The following ITPR2 variants were observed in gnomAD, a reference collection of about 807,000 sequenced individuals.
ITPR2 encodes the protein inositol 1,4,5-trisphosphate-gated calcium channel ITPR2.
Under a neutral mutation model 317.1 loss-of-function variants are expected in ITPR2, and 207 were observed. The ratio of observed to expected loss-of-function variants is 0.65; its 90% CI spans 0.58 to 0.73. The LOEUF (loss-of-function observed/expected upper bound fraction) is 0.73, where lower values mean the gene tolerates loss of function less well. Ranked by LOEUF, ITPR2 falls within the 30% of genes least tolerant of loss-of-function variation. The pLI, the probability that ITPR2 is intolerant of heterozygous loss-of-function variation, is 0.00. For synonymous variants in ITPR2, 1,156 were observed against 1,149.1 expected (o/e 1.01, Z -0.12); for missense variants, 2,613 against 3,284.0 (o/e 0.80, Z 4.99).
intron 21 of ITPR2, among the ~76,000 whole-genome samples, chr12:26,645,569 G>A (rs138195293): frequency 3.5e-4 from 54 of 152,348 alleles, no homozygotes; most frequent in Admixed American, 1.2e-3. Flanking sequence ...AGACAGAATC[G>A]AGCCATCTCA....
chr12:26,552,704 C>CT (rs958800798), intron 36 of ITPR2, among the ~76,000 whole-genome samples: 9 of 151,652 alleles, frequency 5.9e-5, no homozygotes, highest in Non-Finnish European at 7.4e-5. Flanking sequence ...TCACGCAACA[C>CT]TTTTTTTTTA....
chr12:26,749,462 G>A (rs1949380351), intron 2 of ITPR2, among the ~76,000 whole-genome samples: 1 of 152,068 alleles, frequency 6.6e-6, no homozygotes, highest in South Asian at 2.1e-4. Flanking sequence ...ATGAAATACT[G>A]ATGTGGTCCA....
intron 8 of ITPR2, 137 bp from the exon 9 acceptor site, chr12:26,711,405 TG>T (rs1948640205): frequency 1.6e-6 from 1 of 630,792 alleles, no homozygotes; most frequent in African/African-American, 1.8e-5. Flanking sequence ...GAGCATAATG[TG>T]GCAGAAAAAC....
intron 2 of ITPR2, among the ~76,000 whole-genome samples, chr12:26,740,489 G>A (rs1949211909): frequency 6.6e-6 from 1 of 152,162 alleles, no homozygotes. Context: ...AAACACTGAA[G>A]GACATCTGCG....
At chr12:26,632,107 C>T in intron 21 of ITPR2, 48 bp from the exon 22 acceptor site, 1 of 1,428,620 alleles carries the variant, frequency 7.0e-7, no homozygotes, top group Non-Finnish European at 9.3e-7. Flanking sequence ...CCCTGGAGAT[C>T]ATGTAACTAT....
chr12:26,433,367 G>A (rs1185350572), intron 48 of ITPR2, among the ~76,000 whole-genome samples: 1 of 152,062 alleles, frequency 6.6e-6, no homozygotes, highest in Non-Finnish European at 1.5e-5. Context: ...TTCCAGCCTT[G>A]TGTTCGTTAG....
At chr12:26,377,491 A>G (rs1171024896) in intron 55 of ITPR2, among the ~76,000 whole-genome samples, 1 of 152,226 alleles carries the variant, frequency 6.6e-6, no homozygotes, top group East Asian at 1.9e-4. Context: ...CTTAGAGATT[A>G]AAAATTCTAA....
intron 21 of ITPR2, among the ~76,000 whole-genome samples, chr12:26,638,008 A>G (rs11612710): frequency 0.16 from 24,333 of 152,202 alleles, 2,627 homozygotes; most frequent in Non-Finnish European, 0.23. Flanking sequence ...AACCAAAAGC[A>G]TGTAACCAAA....
intron 9 of ITPR2, among the ~76,000 whole-genome samples, chr12:26,701,768 AG>A (rs1948450025): frequency 6.6e-6 from 1 of 152,202 alleles, no homozygotes; most frequent in South Asian, 2.1e-4. Flanking sequence ...TTAAATCCAC[AG>A]GCTATTGAAT....
chr12:26,744,788 A>G (rs932483050), intron 2 of ITPR2, among the ~76,000 whole-genome samples: 2 of 152,226 alleles, frequency 1.3e-5, no homozygotes, highest in East Asian at 1.9e-4. Context: ...TGATCTGCCT[A>G]TAAAGAACAA....
Position 26,462,859 on chromosome 12 carries a change from A to T in ITPR2, c.6342+12437T>A, listed in dbSNP as rs182247563. ...GCTAATTTTTGTATATTTAGTAGAGATGGGGTTTCACCATGTTGGCCAGGC... is the reference window on the plus strand; with the variant it reads ...GCTAATTTTTGTATATTTAGTAGAGTTGGGGTTTCACCATGTTGGCCAGGC... On this transcript the variant is annotated intron_variant, in intron 45 of 56. Coordinates refer to ENST00000381340, the MANE Select transcript of ITPR2 (RefSeq NM_002223.4). 3.6e-3 allele frequency among the ~76,000 whole-genome samples: 549 copies of T among 151,778 alleles called. 3 individuals are homozygous for T. The highest frequency in any genetic ancestry group is 0.013 in the African/African-American group (523 of 41,364).
chr12:26,743,500 G>T (rs370329240), intron 2 of ITPR2, among the ~76,000 whole-genome samples: 14 of 152,116 alleles, frequency 9.2e-5, no homozygotes, highest in African/African-American at 3.4e-4. Flanking sequence ...ATTGTGATAA[G>T]GATCAATGCA....
intron 11 of ITPR2, among the ~76,000 whole-genome samples, chr12:26,683,631 AAATGTTGCGACCAG>A (rs1455720092): frequency 3.3e-5 from 5 of 152,180 alleles, no homozygotes; most frequent in Non-Finnish European, 7.3e-5. Flanking sequence ...TCGTCAACAA[AAATGTTGCGACCAG>A]AAGCTCACAG....
chr12:26,830,063 C>T (rs1951076698), intron 1 of ITPR2, among the ~76,000 whole-genome samples: 1 of 152,184 alleles, frequency 6.6e-6, no homozygotes, highest in Non-Finnish European at 1.5e-5. Flanking sequence ...GCCACCACGC[C>T]CAGCTAATTT....
Position 26,786,493 on chromosome 12 carries a change from G to T in ITPR2, c.163+3664C>A, listed in dbSNP as rs184851708. ...AAATGGAGAATATTTGATCATTAAA[G>T]AAATTTTATTCGCATAAGAAAAAGC... On this transcript the variant is annotated intron_variant, in intron 2 of 56. Transcript: ENST00000381340. 1.2e-4 allele frequency among the ~76,000 whole-genome samples: 16 copies of T among 138,410 alleles called. No individual in the cohort carries two copies. In the East Asian group the frequency reaches 3.4e-3, roughly 29 times the overall value. 90.8% of individuals were successfully genotyped at this position (138,410 alleles called of 152,430 possible). A position where few individuals can be genotyped will look rare whatever the true frequency, so the allele number is the denominator to read the frequency against.
At chr12:26,821,568 T>C (rs1194372785) in intron 1 of ITPR2, among the ~76,000 whole-genome samples, 1 of 152,240 alleles carries the variant, frequency 6.6e-6, no homozygotes, top group East Asian at 1.9e-4. Flanking sequence ...GCTCCTCCAG[T>C]ATTCTCACAG....
Position 26,679,042 on chromosome 12 carries a change from G to T in ITPR2, c.1409+2832C>A, listed in dbSNP as rs528700847. On this transcript the variant is annotated intron_variant, in intron 13 of 56. Transcript: ENST00000381340. ...AATAGATTCACAAAAGGAAAAGTTA[G>T]ATCAATAACAGGCAAATAAAAATTC... Among the ~76,000 whole-genome samples the T allele has an allele frequency of 4.6e-5, 7 of 152,292 alleles. No individual in the cohort carries two copies. In the South Asian group the frequency reaches 1.5e-3, roughly 32 times the overall value.
intron 2 of ITPR2, among the ~76,000 whole-genome samples, chr12:26,760,437 A>G (rs191196092): frequency 6.6e-6 from 1 of 152,222 alleles, no homozygotes; most frequent in East Asian, 1.9e-4. Flanking sequence ...GGTTTAAATA[A>G]CCACTCAAAG....
At chr12:26,658,445 G>C (rs983811000) in intron 16 of ITPR2, among the ~76,000 whole-genome samples, 2 of 152,110 alleles carry the variant, frequency 1.3e-5, no homozygotes, top group Non-Finnish European at 2.9e-5. Flanking sequence ...AGTCTCCCCA[G>C]AGCTGAATAT....
Sources: gnomAD v4.1 joint callset for allele counts (sites outside exome capture counted in the v4.1 genomes callset) on GRCh38, gnomAD v4.1.1 for gene constraint, MANE v1.5 for transcripts, NCBI Gene and HGNC (gene_info 2026-07-23, HGNC 2026-07-21) for gene names.